The following ADCY8 variants were observed in gnomAD, a reference collection of about 807,000 sequenced individuals.
ADCY8 encodes adenylate cyclase type 8.
A neutral mutation model predicts 119.7 loss-of-function variants in ADCY8; 51 were observed. The ratio of observed to expected loss-of-function variants is 0.43; its 90% CI spans 0.34 to 0.54. The LOEUF (loss-of-function observed/expected upper bound fraction) is 0.54. ADCY8 is among the 20% of genes least tolerant of loss of function. The probability of loss-of-function intolerance (pLI) is 0.03; values close to 1 mark genes in which losing one functional copy is unlikely to be tolerated. For missense variants in ADCY8, 1,383 were observed against 1,598.8 expected (o/e 0.87, Z 2.30); for synonymous variants, 665 against 651.0 (o/e 1.02, Z -0.33).
chr8:130,974,783 G>T (rs112059284), intron 2 of ADCY8, among the ~76,000 whole-genome samples: 4 of 152,170 alleles, frequency 2.6e-5, no homozygotes, highest in African/African-American at 7.2e-5. Flanking sequence ...GATTTAAAAC[G>T]TGAAGGTTAA....
At chr8:130,836,161 AG>A in intron 12 of ADCY8, 115 bp downstream of exon 12, 1 of 1,148,864 alleles carries the variant, frequency 8.7e-7, no homozygotes, top group Non-Finnish European at 1.2e-6. Flanking sequence ...TTGAGATATA[AG>A]TCAATATCCA....
chr8:130,820,491 A>C (rs1230218533), intron 13 of ADCY8, among the ~76,000 whole-genome samples: 3 of 152,246 alleles, frequency 2.0e-5, no homozygotes, highest in Non-Finnish European at 4.4e-5. Context: ...GAATCTCCCC[A>C]AGCGACGAAC....
At chr8:130,896,273 C>G (rs936395769) in intron 7 of ADCY8, among the ~76,000 whole-genome samples, 1 of 152,108 alleles carries the variant, frequency 6.6e-6, no homozygotes, top group African/African-American at 2.4e-5. Context: ...ATCCCCAGAT[C>G]CTAGAACTTT....
intron 13 of ADCY8, among the ~76,000 whole-genome samples, chr8:130,817,635 T>C (rs1226762106): frequency 6.6e-6 from 1 of 152,204 alleles, no homozygotes; most frequent in Non-Finnish European, 1.5e-5. Context: ...GACTAATAAT[T>C]GCAATGAATT....
At chr8:130,798,796 C>A (rs114926573) in intron 15 of ADCY8, among the ~76,000 whole-genome samples, 1 of 152,176 alleles carries the variant, frequency 6.6e-6, no homozygotes, top group East Asian at 1.9e-4. Context: ...GATGTCTGCA[C>A]GCCCATGTTC....
intron 8 of ADCY8, among the ~76,000 whole-genome samples, chr8:130,868,594 A>C (rs1047310860): frequency 1.3e-5 from 2 of 152,230 alleles, no homozygotes; most frequent in Admixed American, 6.5e-5. Context: ...CTAGAAGGTC[A>C]GCACTCAATG....
At chr8:130,962,101 C>T (rs1012488834) in intron 2 of ADCY8, among the ~76,000 whole-genome samples, 1 of 152,230 alleles carries the variant, frequency 6.6e-6, no homozygotes, top group Admixed American at 6.5e-5. Flanking sequence ...AGCACCCAGG[C>T]TTGCCAGCCT....
intron 15 of ADCY8, among the ~76,000 whole-genome samples, chr8:130,787,969 C>T (rs754178607): frequency 2.0e-5 from 3 of 152,134 alleles, no homozygotes; most frequent in Non-Finnish European, 4.4e-5. Flanking sequence ...TCAAGAAAGT[C>T]AAGAATAGTT....
intron 2 of ADCY8, among the ~76,000 whole-genome samples, chr8:130,962,641 C>A (rs1457707579): frequency 6.6e-6 from 1 of 152,212 alleles, no homozygotes; most frequent in African/African-American, 2.4e-5. Flanking sequence ...GATTCAGGAT[C>A]TTTATTTTAT....
chr8:130,952,404 T>C (rs953964554), intron 2 of ADCY8, among the ~76,000 whole-genome samples: 10 of 152,174 alleles, frequency 6.6e-5, no homozygotes, highest in African/African-American at 1.9e-4. Flanking sequence ...GGAACTGATA[T>C]TTAAAATTGA....
chr8:131,031,624 T>C (rs1302218260), intron 1 of ADCY8, among the ~76,000 whole-genome samples: 1 of 152,148 alleles, frequency 6.6e-6, no homozygotes, highest in African/African-American at 2.4e-5. Flanking sequence ...TAATGTTGAT[T>C]TTAAAAGTGT....
chr8:130,805,761 A>G (rs142502693), intron 14 of ADCY8, among the ~76,000 whole-genome samples: 12 of 152,302 alleles, frequency 7.9e-5, no homozygotes, highest in Non-Finnish European at 1.5e-4. Flanking sequence ...TAATTTGTCT[A>G]TTCAGTGGCT....
In ADCY8 at chr8:130,897,241, C is replaced by T. The variant is rs146822658; in HGVS notation, c.1911+6531G>A. 2.5e-3 allele frequency among the ~76,000 whole-genome samples: 380 copies of T among 152,084 alleles called. 1 individual carries two copies. Among genetic ancestry groups the T allele is most frequent in the African/African-American group, 8.6e-3 (356 of 41,518 alleles). On this transcript the variant is annotated intron_variant, in intron 7 of 17. Coordinates refer to ENST00000286355, the MANE Select transcript of ADCY8 (RefSeq NM_001115.3). ...ATCCACAAGGAGGTTTCAATCAGGACGGCAATCAGATGAGAATTCTTCCTT... is the reference window on the plus strand; with the variant it reads ...ATCCACAAGGAGGTTTCAATCAGGATGGCAATCAGATGAGAATTCTTCCTT...
At chr8:130,786,504 C>A (rs1020413835) in intron 15 of ADCY8, among the ~76,000 whole-genome samples, 1 of 152,168 alleles carries the variant, frequency 6.6e-6, no homozygotes, top group African/African-American at 2.4e-5. Flanking sequence ...CTGGAAGGAG[C>A]ACAGCCCTGT....
At chr8:130,928,375 A>T (rs887001071) in intron 5 of ADCY8, among the ~76,000 whole-genome samples, 5 of 152,124 alleles carry the variant, frequency 3.3e-5, no homozygotes, top group Non-Finnish European at 5.9e-5. Flanking sequence ...ACTTGGCCTA[A>T]CTTTTTCTTA....
intron 2 of ADCY8, among the ~76,000 whole-genome samples, chr8:130,955,377 C>T (rs1821396844): frequency 1.3e-5 from 2 of 152,094 alleles, no homozygotes; most frequent in Admixed American, 1.3e-4. Flanking sequence ...AGTATCTAGT[C>T]TATCAGACCC....
At chr8:130,978,974 C>A (rs2130719698) in intron 2 of ADCY8, among the ~76,000 whole-genome samples, 1 of 152,190 alleles carries the variant, frequency 6.6e-6, no homozygotes, top group South Asian at 2.1e-4. Flanking sequence ...GCCCCTGGAC[C>A]AAGCTGTGCC....
intron 14 of ADCY8, among the ~76,000 whole-genome samples, chr8:130,806,362 G>C (rs961237801): frequency 6.6e-6 from 1 of 152,124 alleles, no homozygotes; most frequent in East Asian, 1.9e-4. Context: ...TCCCACAATT[G>C]CTGAGCACAG....
At chr8:130,891,577 C>T (rs1318300895) in intron 7 of ADCY8, among the ~76,000 whole-genome samples, 2 of 152,118 alleles carry the variant, frequency 1.3e-5, no homozygotes, top group African/African-American at 4.8e-5. Context: ...GGGAAAGCTT[C>T]AAGGTGATCT....
Sources: allele counts gnomAD v4.1 joint callset (sites outside exome capture counted in the v4.1 genomes callset), GRCh38; gene constraint gnomAD v4.1.1; transcripts MANE v1.5; gene names NCBI Gene and HGNC (gene_info 2026-07-23, HGNC 2026-07-21).